PCDH15: variants seen among roughly 807,000 people sequenced by gnomAD.
PCDH15 encodes protocadherin-15.
In PCDH15, 129 loss-of-function variants were observed where a neutral mutation model predicts 178.5. That is an observed-to-expected ratio of 0.72 (90% CI 0.63 to 0.84). The LOEUF (loss-of-function observed/expected upper bound fraction) is 0.84. Among genes scored for constraint, PCDH15 ranks in the 40% least tolerant of loss-of-function variants. PCDH15 has a pLI of 0.00. For synonymous variants in PCDH15, 800 were observed against 732.0 expected (o/e 1.09, Z -1.50); for missense variants, 2,230 against 2,099.9 (o/e 1.06, Z -1.21).
intron 2 of PCDH15, among the ~76,000 whole-genome samples, chr10:55,555,462 C>T (rs576700205): frequency 5.9e-5 from 9 of 152,038 alleles, no homozygotes; most frequent in East Asian, 3.9e-4. Flanking sequence ...TGCATTTATA[C>T]GGATATCTTT....
At chr10:54,219,882 TA>T (rs1040481509) in intron 9 of PCDH15, among the ~76,000 whole-genome samples, 1 of 152,018 alleles carries the variant, frequency 6.6e-6, no homozygotes, top group African/African-American at 2.4e-5. Context: ...ATTTGTGGAT[TA>T]AAATTATATA....
At chr10:55,479,831 A>G (rs935450877) in intron 2 of PCDH15, among the ~76,000 whole-genome samples, 3 of 151,744 alleles carry the variant, frequency 2.0e-5, no homozygotes, top group Non-Finnish European at 4.4e-5. Flanking sequence ...CAAACTCACC[A>G]TACAATAATT....
intron 2 of PCDH15, among the ~76,000 whole-genome samples, chr10:55,468,035 G>T (rs1839874568): frequency 6.7e-6 from 1 of 150,066 alleles, no homozygotes; most frequent in Non-Finnish European, 1.5e-5. Context: ...TCCACCCGAT[G>T]GTCGTTTCTT....
chr10:55,020,780 A>C (rs1000384190), intron 2 of PCDH15, among the ~76,000 whole-genome samples: 1 of 152,112 alleles, frequency 6.6e-6, no homozygotes, highest in African/African-American at 2.4e-5. Flanking sequence ...TTAACTGTAA[A>C]GGTTTTCTGT....
intron 3 of PCDH15, among the ~76,000 whole-genome samples, chr10:54,446,156 A>G (rs1565297525): frequency 6.6e-6 from 1 of 151,630 alleles, no homozygotes; most frequent in Non-Finnish European, 1.5e-5. Context: ...TACACAAAAC[A>G]TTAGAGTTGC....
At chr10:53,917,050 T>TACATGTGTACTATATTTGATATAGTAC (rs1321497522) in intron 25 of PCDH15, among the ~76,000 whole-genome samples, 2 of 152,144 alleles carry the variant, frequency 1.3e-5, no homozygotes, top group Non-Finnish European at 2.9e-5. Flanking sequence ...TCAAATAATG[T>TACATGTGTACTATATTTGATATAGTAC]AGTGGAAAAT....
intron 1 of PCDH15, among the ~76,000 whole-genome samples, chr10:54,786,348 T>C (rs1950875787): frequency 6.6e-6 from 1 of 151,998 alleles, no homozygotes; most frequent in South Asian, 2.1e-4. Flanking sequence ...ATTCCACCAG[T>C]TAAAGTTTGA....
chr10:54,063,659 A>C (rs1032260412), intron 18 of PCDH15, among the ~76,000 whole-genome samples: 1 of 152,160 alleles, frequency 6.6e-6, no homozygotes, highest in African/African-American at 2.4e-5. Context: ...TCCACCTGGC[A>C]GGCTGTGCTT....
chr10:54,445,087 T>C (rs1164343660), intron 3 of PCDH15, among the ~76,000 whole-genome samples: 2 of 151,222 alleles, frequency 1.3e-5, no homozygotes, highest in Admixed American at 6.6e-5. Context: ...GTTCCATCTT[T>C]TCATATGTCA....
At chr10:54,009,593 A>T (rs752921436) in intron 20 of PCDH15, among the ~76,000 whole-genome samples, 2 of 152,230 alleles carry the variant, frequency 1.3e-5, no homozygotes, top group African/African-American at 4.8e-5. Flanking sequence ...ACACTAGCTC[A>T]TCTGAAAAAT....
chr10:55,113,161 G>A (rs1333687985), intron 2 of PCDH15, among the ~76,000 whole-genome samples: 9 of 152,066 alleles, frequency 5.9e-5, no homozygotes, highest in African/African-American at 9.7e-5. Flanking sequence ...TCAATTTTTG[G>A]TATTTTGTTA....
chr10:54,931,879 TAAGTA>T (rs1837786898), intron 2 of PCDH15, among the ~76,000 whole-genome samples: 1 of 152,156 alleles, frequency 6.6e-6, no homozygotes. Context: ...TCAGAATCAT[TAAGTA>T]AAGAGCAAAT....
intron 3 of PCDH15, among the ~76,000 whole-genome samples, chr10:54,464,726 A>G (rs1329022135): frequency 1.3e-5 from 2 of 152,168 alleles, no homozygotes; most frequent in Non-Finnish European, 2.9e-5. Context: ...GTAAAATACC[A>G]TGTCTTCCCT....
chr10:55,014,200 AT>A (rs879648451), intron 2 of PCDH15, among the ~76,000 whole-genome samples: 23 of 150,804 alleles, frequency 1.5e-4, no homozygotes, highest in South Asian at 4.2e-4. Flanking sequence ...ACACCTTGAA[AT>A]TTTTTTTTTA....
At chr10:55,573,365 T>C (rs973735898) in intron 2 of PCDH15, among the ~76,000 whole-genome samples, 1 of 152,098 alleles carries the variant, frequency 6.6e-6, no homozygotes, top group Non-Finnish European at 1.5e-5. Context: ...GAAAAAATAT[T>C]CAGTTGGGAA....
At chr10:55,553,198 G>A (rs1423374607) in intron 2 of PCDH15, among the ~76,000 whole-genome samples, 9 of 148,284 alleles carry the variant, frequency 6.1e-5, no homozygotes, top group Admixed American at 2.0e-4. Context: ...CTTTTCTACC[G>A]CTAGGTTAAT....
intron 14 of PCDH15, among the ~76,000 whole-genome samples, chr10:54,147,469 G>A (rs1337823352): frequency 6.6e-6 from 1 of 151,608 alleles, no homozygotes. Context: ...ATATTATCCA[G>A]GAAAATCAAT....
intron 29 of PCDH15, among the ~76,000 whole-genome samples, chr10:53,837,197 T>G (rs1316166278): frequency 1.3e-5 from 2 of 151,580 alleles, no homozygotes; most frequent in Non-Finnish European, 2.9e-5. Context: ...AAAATGGGCA[T>G]AAGAAATATT....
intron 8 of PCDH15, among the ~76,000 whole-genome samples, chr10:54,307,100 GTGTGTATATATATATATATATATA>G (rs2060581629): frequency 1.9e-4 from 3 of 15,534 alleles, no homozygotes; most frequent in Non-Finnish European, 3.4e-4. Flanking sequence ...ATATGTGTGT[GTGTGTATATATATATATATATATA>G]TATATATATA....
Sources: allele counts gnomAD v4.1 joint callset (sites outside exome capture counted in the v4.1 genomes callset), GRCh38; gene constraint gnomAD v4.1.1; transcripts MANE v1.5; gene names NCBI Gene and HGNC (gene_info 2026-07-23, HGNC 2026-07-21).